The following ZNF791 variants were observed in gnomAD, a reference collection of about 807,000 sequenced individuals.
ZNF791 encodes zinc finger protein 791.
A neutral mutation model predicts 11.5 loss-of-function variants in ZNF791; 4 were observed. The observed-to-expected ratio is 0.35, with a 90% CI of 0.17 to 0.80. ZNF791 has a LOEUF of 0.80. ZNF791 is among the 30% of genes least tolerant of loss of function. The probability of loss-of-function intolerance (pLI) is 0.53; values close to 1 mark genes in which losing one functional copy is unlikely to be tolerated. For missense variants in ZNF791, 559 were observed against 699.4 expected, an observed-to-expected ratio of 0.80 and a Z score of 2.26; for synonymous variants, 212 against 228.1, an observed-to-expected ratio of 0.93 and a Z score of 0.64.
At chr19:12,620,017 G>T (rs1366648500) in intron 1 of ZNF791, among the ~76,000 whole-genome samples, 1 of 151,490 alleles carries the variant, frequency 6.6e-6, no homozygotes, top group Non-Finnish European at 1.5e-5. Flanking sequence ...TCCGCCTCCC[G>T]GGTTCCCGCC....
intron 2 of ZNF791, among the ~76,000 whole-genome samples, chr19:12,624,220 T>C (rs1599325863): frequency 2.0e-5 from 3 of 146,748 alleles, no homozygotes; most frequent in Admixed American, 1.4e-4. Context: ...TGGCGGGATC[T>C]TGGCTCACTG....
intron 1 of ZNF791, 126 bp downstream of exon 1, chr19:12,611,208 C>T (rs1301820809): frequency 3.1e-6 from 4 of 1,300,868 alleles, no homozygotes; most frequent in South Asian, 1.4e-5. Flanking sequence ...CCTGTCCCGT[C>T]CCTGCGCGGC....
chr19:12,628,562 G>A lies in ZNF791; in HGVS notation c.1033G>A (p.Val345Ile), dbSNP rs2023460834. 1.9e-6 allele frequency: 3 copies of A among 1,599,208 alleles called. No individual in the cohort carries two copies. The highest frequency in any genetic ancestry group is 2.7e-5 in the African/African-American group (2 of 74,056). ...TTTCAGTGCACGCCCAGCCTTTCGA[G>A]TACACGTGAGAGTGCATACTGGAGA... The part of the protein sequence containing the change: ...KSFSARPAFR[V>I]HVRVHTGEKP... Residue 345 changes from valine to isoleucine, a missense_variant, in exon 4 of 4, where the codon GTA becomes ATA. By Grantham distance (29) the Val-to-Ile change is conservative (BLOSUM62 3). Coordinates refer to ENST00000343325, the MANE Select transcript of ZNF791 (RefSeq NM_153358.3).
In ZNF791 at chr19:12,629,361, A is replaced by C; in HGVS notation, c.*101A>C. 1.1e-6 allele frequency: 1 copy of C among 895,516 alleles called. No homozygotes were observed. The highest frequency in any genetic ancestry group is 1.6e-6 in the Non-Finnish European group (1 of 629,446). The allele number at this position is 895,516 out of a possible 1,614,324, so 55.5% of individuals were successfully genotyped here. A position where few individuals can be genotyped will look rare whatever the true frequency, so the allele number is the denominator to read the frequency against. ...TGAAGAGAGAAATCCTGTCAATGTA[A>C]GTAATATAGAAAGCGAGATACAAGA... is the stretch of plus-strand genomic sequence containing the variant. On this transcript the variant is annotated 3_prime_UTR_variant, in exon 4 of 4. Transcript: ENST00000343325.
At chr19:12,613,187 G>T (rs1373621745) in intron 1 of ZNF791, among the ~76,000 whole-genome samples, 1 of 146,756 alleles carries the variant, frequency 6.8e-6, no homozygotes, top group African/African-American at 2.6e-5. Context: ...CTCGAACTCC[G>T]GACCGCAGGT....
At position 12,620,754 on chromosome 19, in the gene ZNF791, C is replaced by CTTTTTTTTTT. The variant is rs1051381342; in HGVS notation, c.4-2931_4-2922dup. On this transcript the variant is annotated intron_variant, in intron 1 of 3. Transcript: ENST00000343325. ...AAACTGGAGAAAGGGGATTTATGTTCTTTTTTTTTTTTTTTTTTTTTTTTG... is the reference window on the plus strand; with the variant it reads ...AAACTGGAGAAAGGGGATTTATGTTCTTTTTTTTTTTTTTTTTTTTTTTTTTTTTTTTTTG... Among the ~76,000 whole-genome samples, 20 of 83,454 alleles carry CTTTTTTTTTT rather than the reference C, an allele frequency of 2.4e-4. 2 individuals are homozygous for CTTTTTTTTTT. Among genetic ancestry groups the CTTTTTTTTTT allele is most frequent in the African/African-American group, 8.6e-4 (16 of 18,668 alleles). 54.7% of individuals were successfully genotyped at this position (83,454 alleles called of 152,430 possible). A position where few individuals can be genotyped will look rare whatever the true frequency, so the allele number is the denominator to read the frequency against.
intron 1 of ZNF791, among the ~76,000 whole-genome samples, chr19:12,617,327 T>C (rs10423382): frequency 0.025 from 3,839 of 152,062 alleles, 165 homozygotes; most frequent in African/African-American, 0.088. Flanking sequence ...GGTTTCACCA[T>C]GTTGGCCAGG....
chr19:12,629,089 A>G lies in ZNF791; in HGVS notation c.1560A>G (p.Gly520=). ...SFQGHMRMHT[G]EKPYKCKECG... ...AAGGACACATGAGAATGCATACTGG[A>G]GAGAAACCCTATAAATGTAAAGAAT... Residue 520 remains glycine (G), a synonymous_variant, in exon 4 of 4, where the codon GGA becomes GGG. Transcript: ENST00000343325. 6.2e-7 allele frequency: 1 copy of G among 1,607,782 alleles called. No homozygotes were observed. The highest frequency in any genetic ancestry group is 8.5e-7 in the Non-Finnish European group (1 of 1,177,496).
intron 3 of ZNF791, among the ~76,000 whole-genome samples, chr19:12,627,155 C>T (rs1310562788): frequency 4.7e-5 from 7 of 147,598 alleles, no homozygotes; most frequent in South Asian, 2.1e-4. Flanking sequence ...TACTCCAGTG[C>T]GGGTGACAGA....
chr19:12,616,662 C>T (rs763143672), intron 1 of ZNF791, among the ~76,000 whole-genome samples: 1 of 151,946 alleles, frequency 6.6e-6, no homozygotes, highest in Non-Finnish European at 1.5e-5. Flanking sequence ...CACTGCACTC[C>T]ACCCTGGGCA....
chr19:12,613,474 T>C (rs1023143675), intron 1 of ZNF791, among the ~76,000 whole-genome samples: 3 of 151,894 alleles, frequency 2.0e-5, no homozygotes, highest in Non-Finnish European at 2.9e-5. Flanking sequence ...CCAGCTACTC[T>C]GGAGGCTGAG....
chr19:12,623,877 G>GGT, intron 2 of ZNF791, 51 bp downstream of exon 2: 1 of 941,662 alleles, frequency 1.1e-6, no homozygotes, highest in South Asian at 1.6e-5. Context: ...TTTTGGGGGG[G>GGT]GACAGAGTTT....
Position 12,623,706 on chromosome 19 carries a change from G to T in ZNF791, c.10G>T (p.Val4Leu). 1 of 1,614,138 alleles carries T rather than the reference G, an allele frequency of 6.2e-7. No individual in the cohort carries two copies. The change falls in exon 2 of 4, where the codon GTG becomes TTG. Residue 4 changes from valine to leucine, a missense_variant. Physicochemically the swap from Val to Leu is conservative, Grantham distance 32. Transcript: ENST00000343325. ...CTTATATTGGATGTTTCAGGACTCA[G>T]TGGCTTTTGAGGATGTGTCTGTGAG... The part of the protein sequence containing the change: MDS[V>L]AFEDVSVSFS...
At chr19:12,611,115 G>A (rs11670998) in intron 1 of ZNF791, 33 bp downstream of exon 1, 7 of 1,613,258 alleles carry the variant, frequency 4.3e-6, no homozygotes, top group Non-Finnish European at 5.9e-6. Flanking sequence ...GTTGGAACCG[G>A]CCGTGATCGC....
rs929432324 is a variant in ZNF791, at chr19:12,610,978, C to T, written c.-102C>T. On this transcript the variant is annotated 5_prime_UTR_variant, in exon 1 of 4. Coordinates refer to ENST00000343325, the MANE Select transcript of ZNF791 (RefSeq NM_153358.3). ...TGCTTAGCTTGGGGTCTCCTGGCCC[C>T]TTGACGCGTCAGGTTGCTGTACCCC... The T allele has an allele frequency of 6.6e-7, 1 of 1,523,534 alleles. No homozygotes were observed. Among genetic ancestry groups the T allele is most frequent in the Non-Finnish European group, 9.1e-7 (1 of 1,099,798 alleles). The allele number at this position is 1,523,534 out of a possible 1,614,324, so 94.4% of individuals were successfully genotyped here. A position where few individuals can be genotyped will look rare whatever the true frequency, so the allele number is the denominator to read the frequency against.
In ZNF791 at chr19:12,629,508, A is replaced by G; in HGVS notation, c.*248A>G. 1 of 323,048 alleles carries G rather than the reference A, an allele frequency of 3.1e-6. No homozygotes were observed. The highest frequency in any genetic ancestry group is 5.6e-6 in the Non-Finnish European group (1 of 177,560). The allele number at this position is 323,048 out of a possible 1,614,324, so 20.0% of individuals were successfully genotyped here. A position where few individuals can be genotyped will look rare whatever the true frequency, so the allele number is the denominator to read the frequency against. On this transcript the variant is annotated 3_prime_UTR_variant, in exon 4 of 4. Coordinates refer to ENST00000343325, the MANE Select transcript of ZNF791 (RefSeq NM_153358.3). The stretch of plus-strand genomic sequence containing the variant: ...TTTCTATCAACCGCAATTTAGTAGC[A>G]GTAGTAACACCATAGTGCAGCACAT...
At chr19:12,616,331 G>A (rs938605889) in intron 1 of ZNF791, among the ~76,000 whole-genome samples, 4 of 152,140 alleles carry the variant, frequency 2.6e-5, no homozygotes, top group Admixed American at 6.6e-5. Context: ...GGTGGTACAC[G>A]CTTGTCATCC....
At chr19:12,617,044 C>A (rs536343021) in intron 1 of ZNF791, among the ~76,000 whole-genome samples, 13 of 151,650 alleles carry the variant, frequency 8.6e-5, no homozygotes, top group Non-Finnish European at 1.3e-4. Flanking sequence ...ATAAATTTCA[C>A]TTAGGTACTA....
Position 12,627,861 on chromosome 19 carries a change from G to A in ZNF791, c.332G>A (p.Arg111His), listed in dbSNP as rs768835879. ...ACTATCTGTGGAAAAGCCTTCATGC[G>A]TCTCTCATCCCTTACTAGACACATG... ...ECTICGKAFM[R>H]LSSLTRHMRS... The change falls in exon 4 of 4, where the codon CGT (arginine) becomes CAT (histidine). Residue 111 changes from arginine to histidine, a missense_variant. Arg to His is a conservative substitution (Grantham distance 29). Coordinates refer to ENST00000343325, the MANE Select transcript of ZNF791 (RefSeq NM_153358.3). 3.5e-5 allele frequency: 57 copies of A among 1,613,976 alleles called. No homozygotes were observed. The highest frequency in any genetic ancestry group is 6.7e-5 in the East Asian group (3 of 44,896).
Sources: allele counts gnomAD v4.1 joint callset (sites outside exome capture counted in the v4.1 genomes callset), GRCh38; gene constraint gnomAD v4.1.1; transcripts MANE v1.5; gene names NCBI Gene and HGNC (gene_info 2026-07-23, HGNC 2026-07-21).